The following SLC35A1 variants were observed in gnomAD, a reference collection of about 807,000 sequenced individuals.
The protein encoded by SLC35A1 is CMP-sialic acid transporter.
In SLC35A1, 21 loss-of-function variants were observed where a neutral mutation model predicts 40.3. That is an observed-to-expected ratio of 0.52 (90% CI 0.37 to 0.75). SLC35A1 has a LOEUF of 0.75. Among genes scored for constraint, SLC35A1 ranks in the 30% least tolerant of loss-of-function variants. SLC35A1 has a pLI of 0.00. For missense variants in SLC35A1, 297 were observed against 382.1 expected (o/e 0.78, Z 1.86); for synonymous variants, 146 against 147.3 (o/e 0.99, Z 0.06).
intron 2 of SLC35A1, among the ~76,000 whole-genome samples, chr6:87,477,981 A>T (rs2300898): frequency 0.29 from 44,840 of 152,116 alleles, 6,853 homozygotes; most frequent in Admixed American, 0.4. Context: ...TGTGTTTTGG[A>T]TGAATATAAT....
intron 2 of SLC35A1, among the ~76,000 whole-genome samples, chr6:87,487,892 G>C (rs1309378847): frequency 6.6e-6 from 1 of 152,132 alleles, no homozygotes; most frequent in Non-Finnish European, 1.5e-5. Context: ...CATTGATTTG[G>C]GGGTTACAGA....
Position 87,475,645 on chromosome 6 carries a change from T to C in SLC35A1, c.17-1717T>C, listed in dbSNP as rs182128842. 1.3e-3 allele frequency among the ~76,000 whole-genome samples: 202 copies of C among 152,352 alleles called. 2 individuals carry two copies. Among genetic ancestry groups the C allele is most frequent in the South Asian group, 0.013 (62 of 4,828 alleles). ...AATGCACTCGGGAAAATATTTATATTGAAGAACCTGTTTCCTTGTAAGATC... is the reference window on the plus strand; with the variant it reads ...AATGCACTCGGGAAAATATTTATATCGAAGAACCTGTTTCCTTGTAAGATC... On this transcript the variant is annotated intron_variant, in intron 1 of 7. Coordinates refer to ENST00000369552, the MANE Select transcript of SLC35A1 (RefSeq NM_006416.5).
intron 2 of SLC35A1, among the ~76,000 whole-genome samples, chr6:87,497,196 G>GCTTTT (rs10659816): frequency 6.6e-5 from 10 of 150,520 alleles, no homozygotes; most frequent in African/African-American, 1.2e-4. Context: ...AGCATCCTCT[G>GCTTTT]TTTTTTTTTG....
chr6:87,501,336 C>T (rs1769918036), intron 4 of SLC35A1, 26 bp downstream of exon 4: 1 of 1,606,584 alleles, frequency 6.2e-7, no homozygotes, highest in South Asian at 1.1e-5. Flanking sequence ...CACACCATAA[C>T]TTCCCATAAA....
chr6:87,488,962 C>T (rs189815237), intron 2 of SLC35A1, among the ~76,000 whole-genome samples: 1 of 152,310 alleles, frequency 6.6e-6, no homozygotes, highest in Admixed American at 6.5e-5. Context: ...GGTCAAAGGG[C>T]TGAGACCCCA....
rs1474065979 is a variant in SLC35A1, at chr6:87,512,173, T to TC, written c.*647_*648insC. ...ATTCATTATCTGGTTCATATTTCTT[T>TC]TCTGTTAGATGATACACATTTCTTC... On this transcript the variant is annotated 3_prime_UTR_variant, in exon 8 of 8. Coordinates refer to ENST00000369552, the MANE Select transcript of SLC35A1 (RefSeq NM_006416.5). The TC allele has an allele frequency of 2.0e-5, 3 of 152,918 alleles. No individual in the cohort carries two copies. The highest frequency in any genetic ancestry group is 4.4e-5 in the Non-Finnish European group (3 of 68,256). 9.5% of individuals were successfully genotyped at this position (152,918 alleles called of 1,614,324 possible).
intron 5 of SLC35A1, among the ~76,000 whole-genome samples, chr6:87,507,569 T>C (rs948551816): frequency 3.9e-5 from 6 of 152,200 alleles, no homozygotes; most frequent in African/African-American, 1.4e-4. Context: ...ATAGCTATTT[T>C]ATGTTCCCAT....
chr6:87,491,730 T>C (rs986992735), intron 2 of SLC35A1, among the ~76,000 whole-genome samples: 2 of 152,186 alleles, frequency 1.3e-5, no homozygotes, highest in African/African-American at 4.8e-5. Flanking sequence ...GCTGGCAGAT[T>C]AGGTGTCTGG....
chr6:87,496,365 T>G (rs554356879), intron 2 of SLC35A1, among the ~76,000 whole-genome samples: 3 of 152,156 alleles, frequency 2.0e-5, no homozygotes, highest in African/African-American at 4.8e-5. Flanking sequence ...AAAAAGAAAT[T>G]TAATATATGT....
chr6:87,507,391 T>C (rs555260906), intron 5 of SLC35A1, among the ~76,000 whole-genome samples: 2 of 152,308 alleles, frequency 1.3e-5, no homozygotes, highest in African/African-American at 2.4e-5. Context: ...ATTTGATTTT[T>C]TGCAATATTT....
intron 1 of SLC35A1, among the ~76,000 whole-genome samples, chr6:87,475,795 G>A (rs1346043525): frequency 6.6e-6 from 1 of 152,226 alleles, no homozygotes; most frequent in Non-Finnish European, 1.5e-5. Context: ...ATATAATGTA[G>A]TTAAAGTAGC....
intron 7 of SLC35A1, among the ~76,000 whole-genome samples, chr6:87,511,177 T>A (rs893436732): frequency 6.6e-6 from 1 of 152,162 alleles, no homozygotes; most frequent in African/African-American, 2.4e-5. Context: ...TTCTAAAAAG[T>A]CTGTAATCAG....
chr6:87,483,993 G>A (rs181122916), intron 2 of SLC35A1, among the ~76,000 whole-genome samples: 3 of 152,160 alleles, frequency 2.0e-5, no homozygotes, highest in Non-Finnish European at 4.4e-5. Flanking sequence ...CCACAAGCAG[G>A]GTTGTCTGTG....
At chr6:87,487,672 A>G (rs754767296) in intron 2 of SLC35A1, among the ~76,000 whole-genome samples, 4 of 152,220 alleles carry the variant, frequency 2.6e-5, no homozygotes, top group African/African-American at 7.2e-5. Flanking sequence ...CAGCCCTACA[A>G]TGCTTGGGAG....
rs571806347 is a variant in SLC35A1, at chr6:87,479,810, T to C, written c.194+2271T>C. On this transcript the variant is annotated intron_variant, in intron 2 of 7. Coordinates refer to ENST00000369552, the MANE Select transcript of SLC35A1 (RefSeq NM_006416.5). ...TTATTAATTGTGACCCACCAAAATA[T>C]TGACTCAAATCCTGCAGCTATTTGA... Among the ~76,000 whole-genome samples, 305 of 152,342 alleles carry C rather than the reference T, an allele frequency of 2.0e-3. 2 individuals are homozygous for C. Among genetic ancestry groups the C allele is most frequent in the Non-Finnish European group, 2.2e-3 (152 of 68,028 alleles).
At chr6:87,483,617 A>G (rs1263834872) in intron 2 of SLC35A1, among the ~76,000 whole-genome samples, 1 of 152,100 alleles carries the variant, frequency 6.6e-6, no homozygotes, top group Non-Finnish European at 1.5e-5. Context: ...TGGAAGACTC[A>G]ACCCCTCAAA....
At chr6:87,483,254 C>T (rs868337716) in intron 2 of SLC35A1, among the ~76,000 whole-genome samples, 2 of 152,070 alleles carry the variant, frequency 1.3e-5, no homozygotes, top group South Asian at 2.1e-4. Context: ...TCTCTTTCCT[C>T]TCTGCTGGTC....
At position 87,477,349 on chromosome 6, in the gene SLC35A1, A is replaced by C; in HGVS notation, c.17-13A>C. The C allele has an allele frequency of 6.2e-7, 1 of 1,608,196 alleles. No homozygotes were observed. Among genetic ancestry groups the C allele is most frequent in the Non-Finnish European group, 8.5e-7 (1 of 1,177,266 alleles). On this transcript the variant is annotated splice_polypyrimidine_tract_variant and intron_variant, in intron 1 of 7. Coordinates refer to ENST00000369552, the MANE Select transcript of SLC35A1 (RefSeq NM_006416.5). ...GTCTACTAAGTAATGTCTTTGTTGC[A>C]CGTATTTTCCAGACAATGTCACTTT...
chr6:87,478,846 C>T (rs1351428254), intron 2 of SLC35A1, among the ~76,000 whole-genome samples: 1 of 152,162 alleles, frequency 6.6e-6, no homozygotes, highest in African/African-American at 2.4e-5. Flanking sequence ...GGTGTGCCCT[C>T]ACAGATGGAG....
Sources: gnomAD v4.1 joint callset for allele counts (sites outside exome capture counted in the v4.1 genomes callset) on GRCh38, gnomAD v4.1.1 for gene constraint, MANE v1.5 for transcripts, NCBI Gene and HGNC (gene_info 2026-07-23, HGNC 2026-07-21) for gene names.